The following HS6ST3 variants were observed in gnomAD, a reference collection of about 807,000 sequenced individuals.
HS6ST3 encodes heparan sulfate 6-O-sulfotransferase 3.
HS6ST3 carries 12 observed loss-of-function variants against 36.7 expected under a neutral mutation model. The ratio of observed to expected loss-of-function variants is 0.33; its 90% confidence interval spans 0.21 to 0.53. The LOEUF (loss-of-function observed/expected upper bound fraction) is 0.53, where lower values mean the gene tolerates loss of function less well. Among genes scored for constraint, HS6ST3 ranks in the 20% least tolerant of loss-of-function variants. The pLI, the probability that HS6ST3 is intolerant of heterozygous loss-of-function variation, is 0.95. For missense variants in HS6ST3, 584 were observed against 640.9 expected, an observed-to-expected ratio of 0.91 and a Z score of 0.96; for synonymous variants, 240 against 257.5, an observed-to-expected ratio of 0.93 and a Z score of 0.65.
At chr13:96,607,443 A>G (rs74107943) in intron 1 of HS6ST3, among the ~76,000 whole-genome samples, 2,627 of 152,320 alleles carry the variant, frequency 0.017, 74 homozygotes, top group African/African-American at 0.058. Context: ...TGAGGAATTT[A>G]TTAGAGAACC....
intron 1 of HS6ST3, among the ~76,000 whole-genome samples, chr13:96,660,779 C>T (rs2056643555): frequency 6.6e-6 from 1 of 151,914 alleles, no homozygotes; most frequent in Non-Finnish European, 1.5e-5. Flanking sequence ...AGTATTGTTT[C>T]TGGATGTATC....
intron 1 of HS6ST3, among the ~76,000 whole-genome samples, chr13:96,270,068 A>G (rs1301561127): frequency 6.6e-6 from 1 of 151,924 alleles, no homozygotes; most frequent in African/African-American, 2.4e-5. Flanking sequence ...CCAGTGGTCT[A>G]ATTCTTTTCC....
At chr13:96,300,047 C>CTTTT (rs11350737) in intron 1 of HS6ST3, among the ~76,000 whole-genome samples, 3 of 74,522 alleles carry the variant, frequency 4.0e-5, no homozygotes, top group Non-Finnish European at 7.6e-5. Flanking sequence ...AAGTGCTACA[C>CTTTT]TTTTTTTTTT....
chr13:96,260,689 G>A (rs2054661813), intron 1 of HS6ST3, among the ~76,000 whole-genome samples: 1 of 149,812 alleles, frequency 6.7e-6, no homozygotes, highest in Admixed American at 6.7e-5. Context: ...ACCCAGGCTG[G>A]AGTGCAGTGG....
chr13:96,307,984 A>G (rs1278020513), intron 1 of HS6ST3, among the ~76,000 whole-genome samples: 2 of 148,154 alleles, frequency 1.3e-5, no homozygotes, highest in Non-Finnish European at 2.9e-5. Flanking sequence ...TTTATTTTAA[A>G]GAGAGAGAGA....
At chr13:96,551,902 A>C (rs1457909882) in intron 1 of HS6ST3, among the ~76,000 whole-genome samples, 2 of 152,232 alleles carry the variant, frequency 1.3e-5, no homozygotes, top group Admixed American at 6.5e-5. Flanking sequence ...AGACTTCATA[A>C]ATATAAAAAT....
At chr13:96,807,417 T>C (rs1878222069) in intron 1 of HS6ST3, among the ~76,000 whole-genome samples, 1 of 152,134 alleles carries the variant, frequency 6.6e-6, no homozygotes, top group Admixed American at 6.6e-5. Flanking sequence ...GTGTGCCCCC[T>C]ACTCCAGTAT....
At chr13:96,246,928 A>G (rs2054587497) in intron 1 of HS6ST3, among the ~76,000 whole-genome samples, 1 of 152,182 alleles carries the variant, frequency 6.6e-6, no homozygotes, top group Admixed American at 6.6e-5. Context: ...TTTGCTTAGT[A>G]TCTGCTGCTA....
At chr13:96,146,129 C>G (rs1201360785) in intron 1 of HS6ST3, among the ~76,000 whole-genome samples, 5 of 152,146 alleles carry the variant, frequency 3.3e-5, no homozygotes, top group Non-Finnish European at 7.4e-5. Flanking sequence ...ATTGTCTTGG[C>G]AATGCAGGCT....
chr13:96,700,243 G>A (rs1011310320), intron 1 of HS6ST3, among the ~76,000 whole-genome samples: 2 of 152,152 alleles, frequency 1.3e-5, no homozygotes, highest in African/African-American at 4.8e-5. Flanking sequence ...CAAATCTTAC[G>A]TGGCAGCAGG....
chr13:96,654,418 T>C lies in HS6ST3; in HGVS notation c.708-178072T>C, dbSNP rs553987316. ...TAAGGAAGGGGTCCAGTTTCTGTTT[T>C]CTGCATATGGCTATCCAGTTTTCCC... On this transcript the variant is annotated intron_variant, in intron 1 of 1. Transcript: ENST00000376705. Among the ~76,000 whole-genome samples, 6 of 152,284 alleles carry C rather than the reference T, an allele frequency of 3.9e-5. No individual in the cohort carries two copies. In the East Asian group the frequency reaches 1.2e-3, roughly 29 times the overall value.
At chr13:96,210,136 C>T (rs1594717521) in intron 1 of HS6ST3, among the ~76,000 whole-genome samples, 2 of 152,086 alleles carry the variant, frequency 1.3e-5, no homozygotes, top group African/African-American at 4.8e-5. Context: ...TTTTGCTATC[C>T]AGTTTAATTA....
intron 1 of HS6ST3, among the ~76,000 whole-genome samples, chr13:96,765,577 GCTCTCTCTCTTTCTCTCTCTCT>G (rs1263143518): frequency 7.9e-6 from 1 of 127,010 alleles, no homozygotes; most frequent in Non-Finnish European, 1.7e-5. Flanking sequence ...AGATGTATGC[GCTCTCTCTCTTTCTCTCTCTCT>G]CTCTCTCTCT....
At chr13:96,537,684 TTA>T (rs1276006398) in intron 1 of HS6ST3, among the ~76,000 whole-genome samples, 1 of 152,218 alleles carries the variant, frequency 6.6e-6, no homozygotes, top group Admixed American at 6.5e-5. Flanking sequence ...CAGTTAAATG[TTA>T]AATACAATAT....
chr13:96,786,091 A>G (rs545103394), intron 1 of HS6ST3, among the ~76,000 whole-genome samples: 2 of 152,190 alleles, frequency 1.3e-5, no homozygotes, highest in Non-Finnish European at 2.9e-5. Flanking sequence ...CCCTTACAGC[A>G]CTGCAGCCAC....
Position 96,090,834 on chromosome 13 carries a change from G to A in HS6ST3, c.-29G>A. 6.8e-7 allele frequency: 1 copy of A among 1,465,278 alleles called. No homozygotes were observed. The highest frequency in any genetic ancestry group is 9.1e-7 in the Non-Finnish European group (1 of 1,102,994). 90.8% of individuals were successfully genotyped at this position (1,465,278 alleles called of 1,614,324 possible). ...CCGCCCTGCCGCCGCCGCCGCCGCC[G>A]CTTCGCCTGCCGGCCTGAGAGCGGG... On this transcript the variant is annotated 5_prime_UTR_variant, in exon 1 of 2. Transcript: ENST00000376705.
rs1317116468 is a variant in HS6ST3, at chr13:96,837,395, G to A, written c.*4197G>A. ...ATTACACCACTTGCTAGTTTGGGAT[G>A]GAGAGTCAGATATGTTGAAAGATTT... On this transcript the variant is annotated 3_prime_UTR_variant, in exon 2 of 2. Transcript: ENST00000376705. The A allele has an allele frequency of 6.6e-6, 1 of 152,134 alleles. No homozygotes were observed. The highest frequency in any genetic ancestry group is 6.6e-5 in the Admixed American group (1 of 15,266). The allele number at this position is 152,134 out of a possible 1,614,324, so 9.4% of individuals were successfully genotyped here. A position where few individuals can be genotyped will look rare whatever the true frequency, so the allele number is the denominator to read the frequency against.
intron 1 of HS6ST3, among the ~76,000 whole-genome samples, chr13:96,227,819 G>C (rs1417801806): frequency 6.6e-6 from 1 of 152,174 alleles, no homozygotes; most frequent in Non-Finnish European, 1.5e-5. Flanking sequence ...GATTGTTGGT[G>C]CAAGATGACA....
At chr13:96,551,116 T>A (rs1260993756) in intron 1 of HS6ST3, among the ~76,000 whole-genome samples, 2 of 152,362 alleles carry the variant, frequency 1.3e-5, no homozygotes, top group African/African-American at 2.4e-5. Context: ...AGTATGCTAA[T>A]TCTTTGAAGC....
Sources: gnomAD v4.1 joint callset for allele counts (sites outside exome capture counted in the v4.1 genomes callset) on GRCh38, gnomAD v4.1.1 for gene constraint, MANE v1.5 for transcripts, NCBI Gene and HGNC (gene_info 2026-07-23, HGNC 2026-07-21) for gene names.